The following EGR2 variants were observed in gnomAD, a reference collection of about 807,000 sequenced individuals.
The protein encoded by EGR2 is E3 SUMO-protein ligase EGR2.
EGR2 carries 2 observed loss-of-function variants against 21.2 expected under a neutral mutation model. The observed-to-expected ratio is 0.09, with a 90% CI of 0.04 to 0.30. EGR2 has a LOEUF of 0.30. Among genes scored for constraint, EGR2 ranks in the 10% least tolerant of loss-of-function variants. The probability of loss-of-function intolerance (pLI) is 1.00; values close to 1 mark genes in which losing one functional copy is unlikely to be tolerated. For synonymous variants in EGR2, 282 were observed against 258.2 expected, an observed-to-expected ratio of 1.09 and a Z score of -0.88; for missense variants, 458 against 630.2, an observed-to-expected ratio of 0.73 and a Z score of 2.93.
Position 62,813,094 on chromosome 10 carries a change from G to T in EGR2, c.*113C>A. On this transcript the variant is annotated 3_prime_UTR_variant, in exon 2 of 2. Coordinates refer to ENST00000242480, the MANE Select transcript of EGR2 (RefSeq NM_000399.5). This position sits in a 1 kb window ranked among gnomAD's most constrained non-coding sequence, Gnocchi z 5.7. ...AGTGCTAGCTCCACCAAAGCCCTTT[G>T]CCCAACAAAGGGAGAGAGGGACAGG... 1 of 1,243,760 alleles carries T rather than the reference G, an allele frequency of 8.0e-7. No homozygotes were observed. The highest frequency in any genetic ancestry group is 1.1e-6 in the Non-Finnish European group (1 of 905,204). The allele number at this position is 1,243,760 out of a possible 1,614,324, so 77.0% of individuals were successfully genotyped here.
chr10:62,815,056 G>C (rs910987492), intron 1 of EGR2, among the ~76,000 whole-genome samples: 1 of 152,270 alleles, frequency 6.6e-6, no homozygotes, highest in African/African-American at 2.4e-5. Flanking sequence ...AGAGGAAGGA[G>C]TCCGTAGGTT....
upstream of EGR2, chr10:62,818,610 C>T: frequency 7.8e-7 from 1 of 1,275,886 alleles, no homozygotes; most frequent in Non-Finnish European, 1.0e-6. Context: ...ATGGGCAAGA[C>T]GACGCCTCGG....
chr10:62,816,850 A>G (rs1443425396), upstream of EGR2, among the ~76,000 whole-genome samples: 1 of 151,600 alleles, frequency 6.6e-6, no homozygotes, highest in Admixed American at 6.6e-5. Context: ...TCAAACCCCT[A>G]CTCACTTTCT....
In EGR2 at chr10:62,813,213, T is replaced by G. The variant is rs763962706; in HGVS notation, c.1425A>C (p.Thr475=). 3.2e-6 allele frequency: 5 copies of G among 1,564,064 alleles called. No individual in the cohort carries two copies. The highest frequency in any genetic ancestry group is 3.4e-6 in the Non-Finnish European group (4 of 1,159,608). The change falls in exon 2 of 2, where the codon ACA becomes ACC. Residue 475 remains threonine, a synonymous_variant. Transcript: ENST00000242480. The surrounding 1 kb of genome is among the most constrained non-coding windows in gnomAD (Gnocchi z 5.7). ...TATCAGCCTGAGTCTCATCTCAAGG[T>G]GTCCGGGTCCGAGAGGAGCAAGGGG... ...PLAPCSSRTR[T]P
At position 62,814,524 on chromosome 10, in the gene EGR2, C is replaced by T; in HGVS notation, c.170-56G>A. 2 of 1,516,508 alleles carry T rather than the reference C, an allele frequency of 1.3e-6. No individual in the cohort carries two copies. The highest frequency in any genetic ancestry group is 2.3e-5 in the South Asian group (2 of 88,666). The allele number at this position is 1,516,508 out of a possible 1,614,324, so 93.9% of individuals were successfully genotyped here. On this transcript the variant is annotated intron_variant, in intron 1 of 1. Transcript: ENST00000242480. This position sits in a 1 kb window ranked among gnomAD's most constrained non-coding sequence, Gnocchi z 4.8. ...AACAATGAAAATACAGCCAGGACTC[C>T]CTTCTCACCCCCGCTCACATAGGTC... is the stretch of plus-strand genomic sequence containing the variant.
chr10:62,816,320 A>T lies in EGR2; in HGVS notation c.-291T>A. The stretch of plus-strand genomic sequence containing the variant: ...CTGGTGTAGTGTTATTATAACAGTC[A>T]GTGAGTCCCCTCGCCGAGCTATTAA... On this transcript the variant is annotated 5_prime_UTR_variant, in exon 1 of 2. Coordinates refer to ENST00000242480, the MANE Select transcript of EGR2 (RefSeq NM_000399.5). 1 of 1,291,586 alleles carries T rather than the reference A, an allele frequency of 7.7e-7. No homozygotes were observed. The highest frequency in any genetic ancestry group is 1.5e-5 in the African/African-American group (1 of 66,284). The allele number at this position is 1,291,586 out of a possible 1,614,324, so 80.0% of individuals were successfully genotyped here. A position where few individuals can be genotyped will look rare whatever the true frequency, so the allele number is the denominator to read the frequency against.
In EGR2 at chr10:62,813,072, G is replaced by T; in HGVS notation, c.*135C>A. The T allele has an allele frequency of 2.0e-6, 2 of 1,011,754 alleles. No individual in the cohort carries two copies. The highest frequency in any genetic ancestry group is 2.9e-6 in the Non-Finnish European group (2 of 697,536). 62.7% of individuals were successfully genotyped at this position (1,011,754 alleles called of 1,614,324 possible). ...TGCTTCTAGGTGGAAAGGGGGCAGT[G>T]CTAGCTCCACCAAAGCCCTTTGCCC... On this transcript the variant is annotated 3_prime_UTR_variant, in exon 2 of 2. Coordinates refer to ENST00000242480, the MANE Select transcript of EGR2 (RefSeq NM_000399.5). The surrounding 1 kb of genome is among the most constrained non-coding windows in gnomAD (Gnocchi z 5.7).
In EGR2 at chr10:62,814,543, A is replaced by T; in HGVS notation, c.170-75T>A. The T allele has an allele frequency of 2.1e-6, 3 of 1,417,092 alleles. No individual in the cohort carries two copies. In the East Asian group the frequency reaches 6.8e-5, roughly 32 times the overall value. The allele number at this position is 1,417,092 out of a possible 1,614,324, so 87.8% of individuals were successfully genotyped here. ...GGACTCCCTTCTCACCCCCGCTCAC[A>T]TAGGTCCATTTCCAAGGCCGAGAGT... On this transcript the variant is annotated intron_variant, in intron 1 of 1. Coordinates refer to ENST00000242480, the MANE Select transcript of EGR2 (RefSeq NM_000399.5). The surrounding 1 kb of genome is among the most constrained non-coding windows in gnomAD (Gnocchi z 4.8).
In EGR2 at chr10:62,813,213, T is replaced by C. The variant is rs763962706; in HGVS notation, c.1425A>G (p.Thr475=). 6 of 1,564,064 alleles carry C rather than the reference T, an allele frequency of 3.8e-6. No homozygotes were observed. In the East Asian group the frequency reaches 1.3e-4, roughly 35 times the overall value. The change falls in exon 2 of 2, where the codon ACA becomes ACG. Residue 475 remains threonine, a synonymous_variant. Transcript: ENST00000242480. The surrounding 1 kb of genome is among the most constrained non-coding windows in gnomAD (Gnocchi z 5.7). ...PLAPCSSRTR[T]P is the part of the protein sequence containing the mutation. ...TATCAGCCTGAGTCTCATCTCAAGG[T>C]GTCCGGGTCCGAGAGGAGCAAGGGG...
intron 1 of EGR2, among the ~76,000 whole-genome samples, 180 bp downstream of exon 1, chr10:62,815,680 CG>C (rs1842248363): frequency 6.6e-6 from 1 of 152,256 alleles, no homozygotes; most frequent in Non-Finnish European, 1.5e-5. Context: ...CATCTGCCCG[CG>C]CGCCCTGGTC....
At position 62,813,630 on chromosome 10, in the gene EGR2, G is replaced by C. The variant is rs1370482187; in HGVS notation, c.1008C>G (p.His336Gln). Residue 336 changes from histidine (H) to glutamine (Q), a missense_variant, in exon 2 of 2, where the codon CAC (histidine) becomes CAG (glutamine). His to Gln is a conservative substitution (Grantham distance 24). Coordinates refer to ENST00000242480, the MANE Select transcript of EGR2 (RefSeq NM_000399.5). This position sits in a 1 kb window ranked among gnomAD's most constrained non-coding sequence, Gnocchi z 5.7. ...CTGCTGGGCACGGGTAGGGCCTCTC[G>C]TGCACCGGCGTCTTGCTGGGTCTGT... Reference protein sequence around the residue: ...YPNRPSKTPVHERPYPCPAEG... With the variant: ...YPNRPSKTPVQERPYPCPAEG... 3 of 1,612,918 alleles carry C rather than the reference G, an allele frequency of 1.9e-6. No homozygotes were observed. Among genetic ancestry groups the C allele is most frequent in the South Asian group, 1.1e-5 (1 of 91,082 alleles).
intron 1 of EGR2, 144 bp downstream of exon 1, chr10:62,815,717 C>T (rs1428736068): frequency 2.7e-6 from 3 of 1,106,930 alleles, no homozygotes; most frequent in Non-Finnish European, 3.9e-6. Flanking sequence ...TCCTCCTGCA[C>T]CCACTTCCAG....
rs1254895811 is a variant in EGR2, at chr10:62,812,542, TCAAA to T, written c.*661_*664del. On this transcript the variant is annotated 3_prime_UTR_variant, in exon 2 of 2. Coordinates refer to ENST00000242480, the MANE Select transcript of EGR2 (RefSeq NM_000399.5). ...ACACTGAAAAAATAGCCTACATTTC[TCAAA>T]CAACTCGAAAAGGAGCAGATATTGC... The T allele has an allele frequency of 7.2e-5, 11 of 152,934 alleles. No homozygotes were observed. Among genetic ancestry groups the T allele is most frequent in the Middle Eastern group, 3.4e-3 (1 of 294 alleles). The allele number at this position is 152,934 out of a possible 1,614,324, so 9.5% of individuals were successfully genotyped here. A position where few individuals can be genotyped will look rare whatever the true frequency, so the allele number is the denominator to read the frequency against.
chr10:62,818,568 C>T (rs371404720), upstream of EGR2: 24 of 1,276,480 alleles, frequency 1.9e-5, no homozygotes, highest in East Asian at 4.7e-4. Context: ...TCCGCCTGCG[C>T]TCTGGCGGGT....
At chr10:62,816,865 A>C (rs766934928), upstream of EGR2, among the ~76,000 whole-genome samples, 5 of 152,008 alleles carry the variant, frequency 3.3e-5, no homozygotes, top group Non-Finnish European at 5.9e-5. Flanking sequence ...CTTTCTTGGC[A>C]GCTCAAAACC....
upstream of EGR2, among the ~76,000 whole-genome samples, chr10:62,818,371 C>G (rs1315432492): frequency 6.6e-6 from 1 of 152,268 alleles, no homozygotes; most frequent in Non-Finnish European, 1.5e-5. Flanking sequence ...GAAAGTTTCT[C>G]GCTCGCGCTG....
chr10:62,812,218 A>G lies in EGR2; in HGVS notation c.*989T>C, dbSNP rs888584154. The G allele has an allele frequency of 6.5e-6, 1 of 152,698 alleles. No homozygotes were observed. Among genetic ancestry groups the G allele is most frequent in the Non-Finnish European group, 1.5e-5 (1 of 68,008 alleles). The allele number at this position is 152,698 out of a possible 1,614,324, so 9.5% of individuals were successfully genotyped here. A position where few individuals can be genotyped will look rare whatever the true frequency, so the allele number is the denominator to read the frequency against. Reference sequence around the variant, plus strand: ...CAAAGCATACAAAAATATACTTTCTAAAAAAAATTCCAAATATTAATAGGC... The same window carrying G: ...CAAAGCATACAAAAATATACTTTCTGAAAAAAATTCCAAATATTAATAGGC... On this transcript the variant is annotated 3_prime_UTR_variant, in exon 2 of 2. Coordinates refer to ENST00000242480, the MANE Select transcript of EGR2 (RefSeq NM_000399.5).
At chr10:62,818,900 A>G (rs931923447), upstream of EGR2, among the ~76,000 whole-genome samples, 3 of 151,990 alleles carry the variant, frequency 2.0e-5, no homozygotes, top group Non-Finnish European at 2.9e-5. Context: ...CCCGAGGGGG[A>G]GCTCCTGGAC....
chr10:62,812,794 C>T lies in EGR2; in HGVS notation c.*413G>A, dbSNP rs1223300647. On this transcript the variant is annotated 3_prime_UTR_variant, in exon 2 of 2. Coordinates refer to ENST00000242480, the MANE Select transcript of EGR2 (RefSeq NM_000399.5). Reference sequence around the variant, plus strand: ...TTTTGCTGTCCCCACTTGAAGGGATCAGCATCTCCCAACCTATTGTAGAAA... The same window carrying T: ...TTTTGCTGTCCCCACTTGAAGGGATTAGCATCTCCCAACCTATTGTAGAAA... 1 of 166,450 alleles carries T rather than the reference C, an allele frequency of 6.0e-6. No individual in the cohort carries two copies. The highest frequency in any genetic ancestry group is 1.3e-5 in the Non-Finnish European group (1 of 76,920). The allele number at this position is 166,450 out of a possible 1,614,324, so 10.3% of individuals were successfully genotyped here.
Sources: allele counts gnomAD v4.1 joint callset (sites outside exome capture counted in the v4.1 genomes callset), GRCh38; gene constraint gnomAD v4.1.1; non-coding constraint Gnocchi (gnomAD v3.1); transcripts MANE v1.5; gene names NCBI Gene and HGNC (gene_info 2026-07-23, HGNC 2026-07-21).